JAK2: variants seen among roughly 807,000 people sequenced by gnomAD.
JAK2 encodes the protein tyrosine-protein kinase JAK2.
Under a neutral mutation model 139.3 loss-of-function variants are expected in JAK2, and 86 were observed. The ratio of observed to expected loss-of-function variants is 0.62; its 90% confidence interval spans 0.52 to 0.74. The LOEUF is 0.74. JAK2 is among the 30% of genes least tolerant of loss of function. JAK2 has a pLI of 0.00. For missense variants in JAK2, 1,421 were observed against 1,360.3 expected, an observed-to-expected ratio of 1.04 and a Z score of -0.70; for synonymous variants, 490 against 437.7, an observed-to-expected ratio of 1.12 and a Z score of -1.49.
chr9:5,111,170 G>A (rs1822479864), intron 22 of JAK2: 3 of 745,944 alleles, frequency 4.0e-6, no homozygotes. Flanking sequence ...TCGCACGGCA[G>A]CCACTCTCCA....
chr9:4,997,370 C>T (rs752262901), intron 2 of JAK2, among the ~76,000 whole-genome samples: 6 of 152,114 alleles, frequency 3.9e-5, no homozygotes, highest in African/African-American at 7.2e-5. Flanking sequence ...GGGAGTCCTC[C>T]GGGAGCTTTT....
chr9:5,052,784 T>C (rs1817512020), intron 6 of JAK2, among the ~76,000 whole-genome samples: 1 of 152,118 alleles, frequency 6.6e-6, no homozygotes, highest in African/African-American at 2.4e-5. Flanking sequence ...TCACTTAATA[T>C]GATGTTTCCA....
chr9:5,103,632 G>T (rs144204570), intron 22 of JAK2, among the ~76,000 whole-genome samples: 1 of 152,002 alleles, frequency 6.6e-6, no homozygotes, highest in Non-Finnish European at 1.5e-5. Context: ...TTCTCAGCAC[G>T]ACATCACACT....
At chr9:5,042,988 G>A (rs560473332) in intron 4 of JAK2, among the ~76,000 whole-genome samples, 4 of 152,222 alleles carry the variant, frequency 2.6e-5, no homozygotes, top group African/African-American at 9.6e-5. Flanking sequence ...GAAGCTGAGG[G>A]GGGTGGGCCG....
At chr9:5,034,016 C>T (rs940379922) in intron 4 of JAK2, among the ~76,000 whole-genome samples, 10 of 152,102 alleles carry the variant, frequency 6.6e-5, no homozygotes, top group Admixed American at 5.2e-4. Flanking sequence ...CAGAGACACA[C>T]ATAGGCTCAA....
chr9:5,072,537 G>A lies in JAK2; in HGVS notation c.1687G>A (p.Val563Ile), dbSNP rs895187915. The A allele has an allele frequency of 5.0e-6, 8 of 1,606,132 alleles. No homozygotes were observed. The highest frequency in any genetic ancestry group is 4.5e-5 in the East Asian group (2 of 44,724). ...CACTTTTACAAAGATTTTTAAAGGC[G>A]TACGAAGAGAAGTAGGAGACTACGG... is the stretch of plus-strand genomic sequence containing the variant. Reference protein sequence around the residue: ...QGTFTKIFKGVRREVGDYGQL... With the variant: ...QGTFTKIFKGIRREVGDYGQL... Residue 563 changes from valine to isoleucine, a missense_variant, in exon 13 of 25, where the codon GTA becomes ATA. Coordinates refer to ENST00000381652, the MANE Select transcript of JAK2 (RefSeq NM_004972.4).
chr9:5,122,697 C>T (rs549981992), intron 22 of JAK2, among the ~76,000 whole-genome samples: 17 of 152,060 alleles, frequency 1.1e-4, no homozygotes, highest in African/African-American at 3.9e-4. Context: ...AGGCACTCTC[C>T]GCCTGGCACA....
chr9:5,115,659 C>T (rs1823088361), intron 22 of JAK2, among the ~76,000 whole-genome samples: 4 of 152,196 alleles, frequency 2.6e-5, no homozygotes, highest in Non-Finnish European at 5.9e-5. Context: ...TTGGAACCAA[C>T]CCAAATGCCC....
rs1327811849 is a variant in JAK2 at position 5,129,296 on chromosome 9, T to TTTTC, written c.*2509_*2512dup. Among the ~76,000 whole-genome samples, 1 of 152,038 alleles carries TTTTC rather than the reference T, an allele frequency of 6.6e-6. No individual in the cohort carries two copies. The highest frequency in any genetic ancestry group is 6.6e-5 in the Admixed American group (1 of 15,266). On this transcript the variant is annotated 3_prime_UTR_variant, in exon 25 of 25. Coordinates refer to ENST00000381652, the MANE Select transcript of JAK2 (RefSeq NM_004972.4). ...TGATGTAGTAAATATTCAGAAGCGA[T>TTTTC]TTTCTTTTGCATTTTTACCTAACCA... is the stretch of plus-strand genomic sequence containing the variant.
At chr9:5,022,287 A>C (rs968235029) in intron 3 of JAK2, 74 bp downstream of exon 3, 4 of 888,862 alleles carry the variant, frequency 4.5e-6, no homozygotes, top group African/African-American at 3.4e-5. Flanking sequence ...TACTAGGTAC[A>C]TGCATAATAT....
At chr9:5,087,117 T>C (rs1820182413) in intron 19 of JAK2, among the ~76,000 whole-genome samples, 1 of 152,180 alleles carries the variant, frequency 6.6e-6, no homozygotes, top group African/African-American at 2.4e-5. Flanking sequence ...CTCTTACTGG[T>C]TGTATTAGTC....
intron 22 of JAK2, chr9:5,099,814 C>G (rs1821324508): frequency 6.6e-6 from 1 of 152,196 alleles, no homozygotes; most frequent in Non-Finnish European, 1.5e-5. Flanking sequence ...CCTCCTTGGG[C>G]TTCTACCCCA....
intron 4 of JAK2, among the ~76,000 whole-genome samples, chr9:5,039,142 G>A (rs1816303071): frequency 1.3e-5 from 2 of 152,060 alleles, no homozygotes; most frequent in South Asian, 2.1e-4. Context: ...ACACTATACT[G>A]TAGATTCAGG....
At chr9:5,113,399 G>C (rs1226029812) in intron 22 of JAK2, 1 of 116,646 alleles carries the variant, frequency 8.6e-6, no homozygotes, top group East Asian at 2.4e-4. Flanking sequence ...TTTTTTTAAG[G>C]AAAATAAAAA....
intron 2 of JAK2, among the ~76,000 whole-genome samples, chr9:5,002,221 C>T (rs1820966114): frequency 6.6e-6 from 1 of 151,606 alleles, no homozygotes; most frequent in African/African-American, 2.4e-5. Flanking sequence ...TTTCTAGCTA[C>T]CTAGGAAGCT....
In JAK2 at chr9:5,122,909, TG is replaced by T. The variant is rs975238637; in HGVS notation, c.3060-94del. 41 of 749,480 alleles carry T rather than the reference TG, an allele frequency of 5.5e-5. No individual in the cohort carries two copies. The African/African-American group carries it at 5.5e-4, about 10-fold the overall frequency. The allele number at this position is 749,480 out of a possible 1,614,324, so 46.4% of individuals were successfully genotyped here. ...TGCTGTGATAACTCTTTTCTCTACA[TG>T]TTTTTTTTTTTAATTTATACAATGA... is the stretch of plus-strand genomic sequence containing the variant. On this transcript the variant is annotated intron_variant, in intron 22 of 24. Coordinates refer to ENST00000381652, the MANE Select transcript of JAK2 (RefSeq NM_004972.4).
intron 22 of JAK2, among the ~76,000 whole-genome samples, chr9:5,118,725 G>GTA (rs1823391045): frequency 1.3e-5 from 2 of 152,252 alleles, no homozygotes; most frequent in South Asian, 4.1e-4. Context: ...TGTTATAATA[G>GTA]TATCATTCAT....
At chr9:5,106,937 G>A (rs377454544) in intron 22 of JAK2, among the ~76,000 whole-genome samples, 1 of 152,246 alleles carries the variant, frequency 6.6e-6, no homozygotes, top group African/African-American at 2.4e-5. Context: ...TGTAAATGAC[G>A]AGTTAATGGG....
At chr9:5,068,047 C>T (rs768419731) in intron 10 of JAK2, among the ~76,000 whole-genome samples, 15 of 151,910 alleles carry the variant, frequency 9.9e-5, no homozygotes, top group Non-Finnish European at 2.2e-4. Flanking sequence ...GTAGTCCCAG[C>T]TACTCGGGAG....
Sources: allele counts gnomAD v4.1 joint callset (sites outside exome capture counted in the v4.1 genomes callset), GRCh38; gene constraint gnomAD v4.1.1; transcripts MANE v1.5; gene names NCBI Gene and HGNC (gene_info 2026-07-23, HGNC 2026-07-21).